Variants in TMEM132D observed in about 807,000 individuals in gnomAD.
TMEM132D encodes the protein mature OL transmembrane protein.
TMEM132D carries 21 observed loss-of-function variants against 62.3 expected under a neutral mutation model. The observed-to-expected ratio is 0.34, with a 90% CI of 0.24 to 0.49. TMEM132D has a LOEUF of 0.49. Among genes scored for constraint, TMEM132D ranks in the 20% least tolerant of loss-of-function variants. The probability of loss-of-function intolerance (pLI) is 0.99; values close to 1 mark genes in which losing one functional copy is unlikely to be tolerated. For synonymous variants in TMEM132D, 621 were observed against 575.6 expected, an observed-to-expected ratio of 1.08 and a Z score of -1.13; for missense variants, 1,346 against 1,402.8, an observed-to-expected ratio of 0.96 and a Z score of 0.65.
At chr12:129,698,544 G>T in intron 2 of TMEM132D, among the ~76,000 whole-genome samples, 1 of 20,038 alleles carries the variant, frequency 5.0e-5, no homozygotes, top group South Asian at 2.2e-3. Flanking sequence ...GGGAAGGGAG[G>T]GGAGGGGAGG....
intron 2 of TMEM132D, among the ~76,000 whole-genome samples, chr12:129,628,314 T>G (rs1879273079): frequency 6.6e-6 from 1 of 152,170 alleles, no homozygotes. Flanking sequence ...ATAGGTTGTG[T>G]GCTGAGTTTC....
chr12:129,717,226 G>A (rs1294378506), intron 1 of TMEM132D, among the ~76,000 whole-genome samples: 1 of 152,186 alleles, frequency 6.6e-6, no homozygotes. Context: ...GTGTACAGAT[G>A]AAGAAATTTA....
At chr12:129,406,163 C>T (rs1275050361) in intron 3 of TMEM132D, among the ~76,000 whole-genome samples, 2 of 152,196 alleles carry the variant, frequency 1.3e-5, no homozygotes, top group Non-Finnish European at 2.9e-5. Context: ...ACAACATACA[C>T]CTTTTGAAAA....
At chr12:129,507,203 AT>A (rs1875359858) in intron 3 of TMEM132D, among the ~76,000 whole-genome samples, 1 of 152,206 alleles carries the variant, frequency 6.6e-6, no homozygotes, top group Non-Finnish European at 1.5e-5. Flanking sequence ...AAAATAAAAA[AT>A]AAATAATAGA....
chr12:129,508,327 A>G (rs752649755), intron 3 of TMEM132D, among the ~76,000 whole-genome samples: 11 of 152,220 alleles, frequency 7.2e-5, no homozygotes, highest in Non-Finnish European at 1.5e-4. Flanking sequence ...ATATTTGTGG[A>G]GAAAATAAAT....
At chr12:129,423,405 T>C (rs1241403911) in intron 3 of TMEM132D, among the ~76,000 whole-genome samples, 1 of 152,192 alleles carries the variant, frequency 6.6e-6, no homozygotes, top group Non-Finnish European at 1.5e-5. Flanking sequence ...GCCACTCTCT[T>C]CTGCAACATC....
intron 4 of TMEM132D, among the ~76,000 whole-genome samples, chr12:129,250,455 C>G (rs543739526): frequency 6.6e-6 from 1 of 152,136 alleles, no homozygotes; most frequent in South Asian, 2.1e-4. Context: ...GCGTGGAGAC[C>G]AGCACTCACT....
chr12:129,181,620 T>C (rs2135551307), intron 5 of TMEM132D, among the ~76,000 whole-genome samples: 1 of 152,278 alleles, frequency 6.6e-6, no homozygotes, highest in South Asian at 2.1e-4. Flanking sequence ...TCATCTCCTT[T>C]TGAGGCCCCA....
intron 1 of TMEM132D, among the ~76,000 whole-genome samples, chr12:129,780,616 G>C (rs991206855): frequency 1.3e-5 from 2 of 152,070 alleles, no homozygotes; most frequent in Non-Finnish European, 2.9e-5. Flanking sequence ...GAGGGCACTT[G>C]AGTTTATGAC....
chr12:129,649,051 C>G (rs1285612124), intron 2 of TMEM132D, among the ~76,000 whole-genome samples: 1 of 152,098 alleles, frequency 6.6e-6, no homozygotes, highest in African/African-American at 2.4e-5. Context: ...ATTTCACCCT[C>G]ACAATAATCC....
intron 2 of TMEM132D, among the ~76,000 whole-genome samples, chr12:129,676,770 T>C (rs1880641653): frequency 1.3e-5 from 2 of 152,296 alleles, no homozygotes; most frequent in Non-Finnish European, 2.9e-5. Flanking sequence ...ACATCCAAAC[T>C]GTATCACTAT....
intron 1 of TMEM132D, among the ~76,000 whole-genome samples, chr12:129,845,596 A>C (rs2137348192): frequency 6.6e-6 from 1 of 152,310 alleles, no homozygotes; most frequent in South Asian, 2.1e-4. Flanking sequence ...CTGTCTCAAA[A>C]TTTCATTACA....
At chr12:129,143,544 T>C (rs1593275310) in intron 5 of TMEM132D, among the ~76,000 whole-genome samples, 1 of 152,136 alleles carries the variant, frequency 6.6e-6, no homozygotes, top group Non-Finnish European at 1.5e-5. Context: ...CTCTGGCTGG[T>C]GAAAAATCGG....
chr12:129,429,545 G>C lies in TMEM132D; in HGVS notation c.1116-91728C>G, dbSNP rs893240726. On this transcript the variant is annotated intron_variant, in intron 3 of 8. Coordinates refer to ENST00000422113, the MANE Select transcript of TMEM132D (RefSeq NM_133448.3). ...TCACCTCAGCCTCCCAAGTAGCTGA[G>C]ACACAGGTGTGTGCCACCACACCCA... 5.3e-5 allele frequency among the ~76,000 whole-genome samples: 8 copies of C among 151,272 alleles called. No individual in the cohort carries two copies. In the East Asian group the frequency reaches 1.4e-3, roughly 26 times the overall value.
chr12:129,222,240 A>G (rs1002956996), intron 4 of TMEM132D, among the ~76,000 whole-genome samples: 4 of 152,236 alleles, frequency 2.6e-5, no homozygotes, highest in African/African-American at 9.6e-5. Context: ...TCTCAAAGCC[A>G]TTGAAACAGC....
chr12:129,463,440 A>ATTTG (rs1200454697), intron 3 of TMEM132D, among the ~76,000 whole-genome samples: 2 of 127,902 alleles, frequency 1.6e-5, no homozygotes, highest in East Asian at 4.6e-4. Context: ...TCCCTGTCCT[A>ATTTG]TTTATTTATT....
intron 3 of TMEM132D, among the ~76,000 whole-genome samples, chr12:129,416,038 T>C (rs1370939585): frequency 1.3e-5 from 2 of 152,226 alleles, no homozygotes; most frequent in Non-Finnish European, 2.9e-5. Flanking sequence ...AATGAGGCCT[T>C]ATTTGAAAAT....
chr12:129,289,547 TAA>T (rs59709658), intron 4 of TMEM132D, among the ~76,000 whole-genome samples: 5 of 92,176 alleles, frequency 5.4e-5, no homozygotes, highest in Non-Finnish European at 1.2e-4. Flanking sequence ...TCCATCTCAA[TAA>T]AAAAAAAAAA....
intron 2 of TMEM132D, among the ~76,000 whole-genome samples, chr12:129,543,447 A>G (rs1191806983): frequency 6.6e-6 from 1 of 152,156 alleles, no homozygotes; most frequent in Non-Finnish European, 1.5e-5. Context: ...TGATGGGGTT[A>G]CATTCCAATA....
Sources: allele counts gnomAD v4.1 joint callset (sites outside exome capture counted in the v4.1 genomes callset), GRCh38; gene constraint gnomAD v4.1.1; transcripts MANE v1.5; gene names NCBI Gene and HGNC (gene_info 2026-07-23, HGNC 2026-07-21).